The following PRAMEF20 variants were observed in gnomAD, a reference collection of about 807,000 sequenced individuals.
PRAMEF20 encodes the protein PRAME family member 20/21.
Under a neutral mutation model 32.4 loss-of-function variants are expected in PRAMEF20, and 27 were observed. The observed-to-expected ratio is 0.83, with a 90% confidence interval of 0.61 to 1.15. The LOEUF (loss-of-function observed/expected upper bound fraction) is 1.15. Ranked by LOEUF, PRAMEF20 falls within the 50% of genes most tolerant of loss-of-function variation. The pLI is 0.00. For synonymous variants in PRAMEF20, 256 were observed against 235.4 expected (o/e 1.09, Z -0.80); for missense variants, 604 against 584.5 (o/e 1.03, Z -0.34).
At chr1:13,415,820 G>A (rs1463215889), upstream of PRAMEF20, among the ~76,000 whole-genome samples, 4 of 144,232 alleles carry the variant, frequency 2.8e-5, no homozygotes, top group Non-Finnish European at 6.1e-5. Flanking sequence ...AGGGAGGGAG[G>A]GAGGGATGAG....
Position 13,420,895 on chromosome 1 carries a change from C to T in PRAMEF20, c.1065C>T (p.Asp355=), listed in dbSNP as rs1641235401. 14 of 1,613,888 alleles carry T rather than the reference C, an allele frequency of 8.7e-6. No individual in the cohort carries two copies. In the East Asian group the frequency reaches 1.6e-4, roughly 18 times the overall value. Reference sequence around the variant, plus strand: ...TTGCAGCCACCCTTGAGTACCTGGACTTAGATGACTGTGGCATCGTAGACT... The same window carrying T: ...TTGCAGCCACCCTTGAGTACCTGGATTTAGATGACTGTGGCATCGTAGACT... The change falls in exon 3 of 3, where the codon GAC becomes GAT. Residue 355 remains aspartate, a synonymous_variant. Coordinates refer to ENST00000602960, the Ensembl canonical transcript of PRAMEF20.
exon 2 of PRAMEF20, chr1:13,418,630 C>G: frequency 4.3e-6 from 7 of 1,614,020 alleles, no homozygotes; most frequent in Non-Finnish European, 5.9e-6. Context: ...GTTCCTCAAG[C>G]TGCGCTGCCT....
intron 2 of PRAMEF20, among the ~76,000 whole-genome samples, chr1:13,420,314 G>A (rs1399885789): frequency 6.6e-6 from 1 of 152,190 alleles, no homozygotes; most frequent in South Asian, 2.1e-4. Context: ...GGGTTCAAGC[G>A]GTTCTCCTGC....
upstream of PRAMEF20, chr1:13,416,223 A>G: frequency 1.3e-6 from 2 of 1,535,292 alleles, no homozygotes; most frequent in Non-Finnish European, 1.8e-6. Context: ...ATTGGAGTAA[A>G]CTGAGGGCTC....
chr1:13,416,358 A>C, exon 1 of PRAMEF20: 1 of 1,612,638 alleles, frequency 6.2e-7, no homozygotes, highest in Non-Finnish European at 8.5e-7. Flanking sequence ...CAGGAAGATG[A>C]GCATCCGGAC....
intron 1 of PRAMEF20, among the ~76,000 whole-genome samples, chr1:13,417,204 C>T (rs1641185718): frequency 6.6e-6 from 1 of 152,204 alleles, no homozygotes; most frequent in East Asian, 1.9e-4. Flanking sequence ...GGGTGGCCAG[C>T]TTTTATTCCC....
At chr1:13,418,328 C>T in exon 2 of PRAMEF20, 2 of 1,613,864 alleles carry the variant, frequency 1.2e-6, no homozygotes, top group African/African-American at 1.3e-5. Context: ...GAATACTTCA[C>T]CTGCCTCTTT....
chr1:13,414,972 G>A (rs909388054), upstream of PRAMEF20, among the ~76,000 whole-genome samples: 4 of 143,272 alleles, frequency 2.8e-5, no homozygotes, highest in Non-Finnish European at 4.6e-5. Context: ...GCTAATTTTT[G>A]TATTTTTAGT....
chr1:13,416,373 C>T (rs1641170077), exon 1 of PRAMEF20: 1 of 1,613,088 alleles, frequency 6.2e-7, no homozygotes. Context: ...CCGGACTCCA[C>T]CCAGACTCCT....
intron 2 of PRAMEF20, 43 bp from the exon 4 acceptor site, chr1:13,420,654 C>T (rs1641231919): frequency 6.2e-7 from 1 of 1,613,344 alleles, no homozygotes; most frequent in African/African-American, 1.3e-5. Flanking sequence ...CTCCACTCAC[C>T]CCTACGATTC....
upstream of PRAMEF20, among the ~76,000 whole-genome samples, chr1:13,412,061 A>AATTT (rs1407406797): frequency 6.7e-6 from 1 of 149,926 alleles, no homozygotes; most frequent in Non-Finnish European, 1.5e-5. Context: ...TAATTTAATT[A>AATTT]ATTTATTTAT....
chr1:13,418,278 T>C, exon 2 of PRAMEF20: 1 of 1,613,872 alleles, frequency 6.2e-7, no homozygotes, highest in Non-Finnish European at 8.5e-7. Flanking sequence ...AGCCCTTGAC[T>C]GTGTTCATAG....
In PRAMEF20 at chr1:13,417,898, C is replaced by T. The variant is rs537615337; in HGVS notation, c.288-224C>T. On this transcript the variant is annotated intron_variant, in intron 1 of 2. Coordinates refer to ENST00000602960, the Ensembl canonical transcript of PRAMEF20. Reference sequence around the variant, plus strand: ...CTGGGACTACAGGCGCCCGCCACCACGCCCGGCTAATTTGTGTGTGTGTGT... The same window carrying T: ...CTGGGACTACAGGCGCCCGCCACCATGCCCGGCTAATTTGTGTGTGTGTGT... Among the ~76,000 whole-genome samples the T allele has an allele frequency of 1.0e-4, 10 of 99,294 alleles. No homozygotes were observed. In the East Asian group the frequency reaches 1.3e-3, roughly 12 times the overall value. 65.1% of individuals were successfully genotyped at this position (99,294 alleles called of 152,430 possible). A position where few individuals can be genotyped will look rare whatever the true frequency, so the allele number is the denominator to read the frequency against.
upstream of PRAMEF20, among the ~76,000 whole-genome samples, chr1:13,412,615 C>G (rs1055792921): frequency 1.6e-3 from 239 of 151,994 alleles, 2 homozygotes; most frequent in Admixed American, 3.3e-3. Flanking sequence ...TCAGCCCCAC[C>G]CTGCCCGGCT....
At chr1:13,420,768 T>G (rs1289126425) in exon 3 of PRAMEF20, 1 of 1,613,860 alleles carries the variant, frequency 6.2e-7, no homozygotes, top group Non-Finnish European at 8.5e-7. Flanking sequence ...TTGAAGCATC[T>G]GTCCAAGTAC....
At chr1:13,418,496 T>A in exon 2 of PRAMEF20, 1 of 1,613,974 alleles carries the variant, frequency 6.2e-7, no homozygotes, top group South Asian at 1.1e-5. Context: ...CTGCCCGTCC[T>A]GGCAGAGTTT....
chr1:13,416,524 A>G, exon 1 of PRAMEF20: 16 of 1,614,198 alleles, frequency 9.9e-6, no homozygotes, highest in Non-Finnish European at 1.4e-5. Flanking sequence ...CTGATGGTGC[A>G]GGCCTGGCCT....
chr1:13,421,199 T>C, exon 3 of PRAMEF20: 2 of 1,613,958 alleles, frequency 1.2e-6, no homozygotes, highest in Non-Finnish European at 1.7e-6. Flanking sequence ...TACCGACTAC[T>C]GCCCTCAGTG....
At chr1:13,417,910 TTGTGTGTGTGTGTGTGTGTGTGTG>T (rs71272484) in intron 1 of PRAMEF20, among the ~76,000 whole-genome samples, 188 bp from the exon 3 acceptor site, 5 of 124,218 alleles carry the variant, frequency 4.0e-5, no homozygotes, top group African/African-American at 1.5e-4. Context: ...CCCGGCTAAT[TTGTGTGTGTGTGTGTGTGTGTGTG>T]TGTGTGTGTG....
Sources: allele counts gnomAD v4.1 joint callset (sites outside exome capture counted in the v4.1 genomes callset), GRCh38; gene constraint gnomAD v4.1.1; transcripts MANE v1.5; gene names NCBI Gene and HGNC (gene_info 2026-07-23, HGNC 2026-07-21).